EXT1: variants seen among roughly 807,000 people sequenced by gnomAD.
EXT1 encodes exostosin glycosyltransferase 1.
Under a neutral mutation model 82.5 loss-of-function variants are expected in EXT1, and 20 were observed. The observed-to-expected ratio is 0.24, with a 90% confidence interval of 0.17 to 0.35. EXT1 has a LOEUF of 0.35. Among genes scored for constraint, EXT1 ranks in the 10% least tolerant of loss-of-function variants. The probability of loss-of-function intolerance (pLI) is 1.00; values close to 1 mark genes in which losing one functional copy is unlikely to be tolerated. For synonymous variants in EXT1, 348 were observed against 350.8 expected, an observed-to-expected ratio of 0.99 and a Z score of 0.09; for missense variants, 757 against 936.5, an observed-to-expected ratio of 0.81 and a Z score of 2.50.
chr8:117,893,693 G>C (rs553572650), intron 1 of EXT1, among the ~76,000 whole-genome samples: 6 of 152,194 alleles, frequency 3.9e-5, no homozygotes, highest in Non-Finnish European at 7.3e-5. Flanking sequence ...CTTTGAGCAA[G>C]TGAAACGCTT....
intron 1 of EXT1, among the ~76,000 whole-genome samples, chr8:117,840,383 C>T (rs1812255449): frequency 6.6e-6 from 1 of 152,144 alleles, no homozygotes; most frequent in African/African-American, 2.4e-5. Flanking sequence ...GAGGCCCAGG[C>T]AGGCAGATCA....
chr8:117,938,633 T>C (rs1053877321), intron 1 of EXT1, among the ~76,000 whole-genome samples: 7 of 152,178 alleles, frequency 4.6e-5, no homozygotes, highest in African/African-American at 1.4e-4. Flanking sequence ...GACAGCTCCA[T>C]AATCTATAGC....
chr8:118,015,883 G>A (rs192352158), intron 1 of EXT1, among the ~76,000 whole-genome samples: 2 of 152,330 alleles, frequency 1.3e-5, no homozygotes, highest in Non-Finnish European at 2.9e-5. Flanking sequence ...AAGACAGAGA[G>A]AGATGCACAG....
intron 1 of EXT1, among the ~76,000 whole-genome samples, chr8:117,985,586 G>A (rs994096488): frequency 2.6e-5 from 4 of 151,916 alleles, no homozygotes; most frequent in African/African-American, 9.7e-5. Flanking sequence ...GAGCCCAAGA[G>A]ATGAAGAACT....
At chr8:117,960,450 C>G (rs1814677502) in intron 1 of EXT1, among the ~76,000 whole-genome samples, 1 of 152,120 alleles carries the variant, frequency 6.6e-6, no homozygotes, top group Non-Finnish European at 1.5e-5. Context: ...TTTTATTTAT[C>G]TAAGCCAAAC....
rs959587958 is a variant in EXT1, at chr8:117,818,597, C to G, written c.1537-67G>C. 5.7e-6 allele frequency: 7 copies of G among 1,225,062 alleles called. No individual in the cohort carries two copies. The African/African-American group carries it at 1.0e-4, about 18-fold the overall frequency. 75.9% of individuals were successfully genotyped at this position (1,225,062 alleles called of 1,614,324 possible). A position where few individuals can be genotyped will look rare whatever the true frequency, so the allele number is the denominator to read the frequency against. ...ATTTATGTATGCCTCCAACCCAAAG[C>G]CTCTTCTCAGAGACAGAAAGAGAAA... On this transcript the variant is annotated intron_variant, in intron 6 of 10. Coordinates refer to ENST00000378204, the MANE Select transcript of EXT1 (RefSeq NM_000127.3).
intron 1 of EXT1, among the ~76,000 whole-genome samples, chr8:118,027,703 T>C (rs561536036): frequency 6.6e-6 from 1 of 152,258 alleles, no homozygotes; most frequent in Non-Finnish European, 1.5e-5. Flanking sequence ...TATCGACACA[T>C]TATCAATCTC....
At chr8:117,867,260 G>GAGAAAAAAAAAAAAAAA (rs1812790097) in intron 1 of EXT1, among the ~76,000 whole-genome samples, 1 of 98,914 alleles carries the variant, frequency 1.0e-5, no homozygotes, top group South Asian at 3.9e-4. Flanking sequence ...CTCCACCTCA[G>GAGAAAAAAAAAAAAAAA]AAAAAAAAAA....
intron 4 of EXT1, among the ~76,000 whole-genome samples, chr8:117,829,735 G>A (rs1201574896): frequency 2.0e-5 from 3 of 151,670 alleles, no homozygotes; most frequent in African/African-American, 4.8e-5. Flanking sequence ...CACCATGCCT[G>A]GCTAATTTTT....
At chr8:117,887,038 C>G (rs950476576) in intron 1 of EXT1, among the ~76,000 whole-genome samples, 4 of 152,136 alleles carry the variant, frequency 2.6e-5, no homozygotes, top group African/African-American at 9.7e-5. Context: ...TGAAATAAAT[C>G]ATAGTAGGCA....
intron 1 of EXT1, among the ~76,000 whole-genome samples, chr8:117,870,262 CT>C (rs1316671733): frequency 6.6e-6 from 1 of 152,188 alleles, no homozygotes; most frequent in Non-Finnish European, 1.5e-5. Context: ...AAATTGGATG[CT>C]CAGTGGCATT....
At chr8:118,005,148 T>C (rs1586337640) in intron 1 of EXT1, among the ~76,000 whole-genome samples, 1 of 151,652 alleles carries the variant, frequency 6.6e-6, no homozygotes, top group African/African-American at 2.4e-5. Context: ...ACAGCTGGGG[T>C]TTTTCATACA....
At chr8:118,019,423 G>C (rs1005412133) in intron 1 of EXT1, among the ~76,000 whole-genome samples, 1 of 152,212 alleles carries the variant, frequency 6.6e-6, no homozygotes, top group African/African-American at 2.4e-5. Flanking sequence ...GGCAGAGAGA[G>C]AGAATACGAC....
chr8:117,859,228 T>G (rs1372933091), intron 1 of EXT1, among the ~76,000 whole-genome samples: 2 of 152,200 alleles, frequency 1.3e-5, no homozygotes, highest in Non-Finnish European at 2.9e-5. Context: ...AAACACACAA[T>G]ATCTCTGACG....
intron 1 of EXT1, among the ~76,000 whole-genome samples, chr8:118,075,064 T>C (rs960308902): frequency 1.3e-5 from 2 of 152,198 alleles, no homozygotes; most frequent in African/African-American, 4.8e-5. Context: ...AACAGGCATT[T>C]TTCCTCCTAC....
intron 1 of EXT1, among the ~76,000 whole-genome samples, chr8:117,969,218 C>G (rs1814890792): frequency 6.6e-6 from 1 of 152,212 alleles, no homozygotes; most frequent in Non-Finnish European, 1.5e-5. Flanking sequence ...TCCTTGTCAT[C>G]CCTGTACTGC....
intron 1 of EXT1, among the ~76,000 whole-genome samples, chr8:118,042,127 T>C (rs1816543336): frequency 6.6e-6 from 1 of 152,068 alleles, no homozygotes; most frequent in African/African-American, 2.4e-5. Context: ...ACTTTTTCCA[T>C]TATGGCTGGG....
intron 1 of EXT1, among the ~76,000 whole-genome samples, chr8:118,022,790 C>G (rs1034197945): frequency 6.6e-6 from 1 of 152,054 alleles, no homozygotes; most frequent in Non-Finnish European, 1.5e-5. Flanking sequence ...TTAAAAGAAA[C>G]AACCAATTAC....
chr8:117,856,580 T>C (rs1054114021), intron 1 of EXT1, among the ~76,000 whole-genome samples: 1 of 148,250 alleles, frequency 6.7e-6, no homozygotes, highest in African/African-American at 2.4e-5. Flanking sequence ...CTTTTTCAAT[T>C]TTATGATGAC....
Sources: allele counts gnomAD v4.1 joint callset (sites outside exome capture counted in the v4.1 genomes callset), GRCh38; gene constraint gnomAD v4.1.1; transcripts MANE v1.5; gene names NCBI Gene and HGNC (gene_info 2026-07-23, HGNC 2026-07-21).